Variants in GJC1 observed in about 807,000 individuals in gnomAD.
GJC1 encodes gap junction protein gamma 1.
Under a neutral mutation model 29.3 loss-of-function variants are expected in GJC1, and 5 were observed. That is an observed-to-expected ratio of 0.17 (90% confidence interval 0.09 to 0.36). The LOEUF is 0.36. Among genes scored for constraint, GJC1 ranks in the 10% least tolerant of loss-of-function variants. The pLI is 1.00. For synonymous variants in GJC1, 177 were observed against 183.3 expected, an observed-to-expected ratio of 0.97 and a Z score of 0.28; for missense variants, 310 against 496.2, an observed-to-expected ratio of 0.62 and a Z score of 3.56.
At chr17:44,822,667 G>C (rs1292795876) in intron 1 of GJC1, among the ~76,000 whole-genome samples, 1 of 129,664 alleles carries the variant, frequency 7.7e-6, no homozygotes, top group Non-Finnish European at 1.6e-5. Flanking sequence ...AAAAAAAAGA[G>C]TCCAGCCTCA....
upstream of GJC1, chr17:44,830,692 C>T (rs2050224179): frequency 2.5e-6 from 1 of 398,668 alleles, no homozygotes; most frequent in East Asian, 3.6e-5. This position sits in a 1 kb window ranked among gnomAD's most constrained non-coding sequence, Gnocchi z 4.3. Context: ...CGCGCTCCGC[C>T]GAGGCCTTGG....
In GJC1 at chr17:44,803,934, A is replaced by T. The variant is rs1340134224; in HGVS notation, c.*693T>A. 6.6e-6 allele frequency: 1 copy of T among 152,232 alleles called. No individual in the cohort carries two copies. The highest frequency in any genetic ancestry group is 6.5e-5 in the Admixed American group (1 of 15,274). 9.4% of individuals were successfully genotyped at this position (152,232 alleles called of 1,614,324 possible). On this transcript the variant is annotated 3_prime_UTR_variant, in exon 3 of 3. Transcript: ENST00000592524. Reference sequence around the variant, plus strand: ...GATATTTAAAGGAATCCTACAGTGAATCATTTATTTCCTTTGAAAATAAGG... The same window carrying T: ...GATATTTAAAGGAATCCTACAGTGATTCATTTATTTCCTTTGAAAATAAGG...
intron 1 of GJC1, among the ~76,000 whole-genome samples, chr17:44,826,299 G>A (rs556461886): frequency 2.7e-4 from 41 of 152,226 alleles, no homozygotes; most frequent in African/African-American, 6.0e-4. Context: ...TTGGGAGGCC[G>A]AGGTGGCCGG....
intron 1 of GJC1, among the ~76,000 whole-genome samples, chr17:44,825,995 A>C (rs1333798341): frequency 1.3e-5 from 2 of 151,924 alleles, no homozygotes; most frequent in African/African-American, 4.8e-5. Context: ...ATCTCGGCTA[A>C]CTGCAACCTC....
chr17:44,823,902 G>A (rs35271426), intron 1 of GJC1, among the ~76,000 whole-genome samples: 53,302 of 151,248 alleles, frequency 0.35, 9,870 homozygotes, highest in Admixed American at 0.46. Flanking sequence ...TAGTAGAGAC[G>A]GGGTTTCACG....
chr17:44,806,004 TG>T (rs1296648201), intron 2 of GJC1, among the ~76,000 whole-genome samples, 167 bp from the exon 3 acceptor site: 1 of 152,192 alleles, frequency 6.6e-6, no homozygotes. Context: ...TTGGGTAGGG[TG>T]GCTCACGCCT....
Position 44,800,777 on chromosome 17 carries a change from G to A in GJC1, c.*3850C>T, listed in dbSNP as rs1315607305. 1 of 152,000 alleles carries A rather than the reference G, an allele frequency of 6.6e-6. No homozygotes were observed. Among genetic ancestry groups the A allele is most frequent in the Non-Finnish European group, 1.5e-5 (1 of 67,994 alleles). 9.4% of individuals were successfully genotyped at this position (152,000 alleles called of 1,614,324 possible). ...AACAAGTGACCAATAATAATGGTTG[G>A]TCCTTGAAGGTCTTTTACCAGAGGC... is the stretch of plus-strand genomic sequence containing the variant. On this transcript the variant is annotated 3_prime_UTR_variant, in exon 3 of 3. Transcript: ENST00000592524.
At chr17:44,798,279 T>C (rs1241413162), downstream of GJC1, among the ~76,000 whole-genome samples, 1 of 152,218 alleles carries the variant, frequency 6.6e-6, no homozygotes, top group Non-Finnish European at 1.5e-5. Flanking sequence ...AAGATCAACT[T>C]ACAGGTGAAA....
chr17:44,807,008 G>A (rs1049077177), intron 2 of GJC1, among the ~76,000 whole-genome samples: 5 of 152,084 alleles, frequency 3.3e-5, no homozygotes. Context: ...CCAGATTTTG[G>A]TTTTACTTAG....
intron 1 of GJC1, among the ~76,000 whole-genome samples, chr17:44,816,483 C>T (rs752083459): frequency 2.6e-5 from 4 of 152,016 alleles, no homozygotes; most frequent in Non-Finnish European, 5.9e-5. Context: ...TTCTGTAAAA[C>T]ATAATTCAGT....
At chr17:44,797,420 A>G (rs1388402160), downstream of GJC1, 1 of 151,020 alleles carries the variant, frequency 6.6e-6, no homozygotes, top group Admixed American at 6.6e-5. Context: ...CAATGGTCCA[A>G]TGGTTACATT....
chr17:44,816,766 A>G (rs1030624960), intron 1 of GJC1, among the ~76,000 whole-genome samples: 1 of 151,860 alleles, frequency 6.6e-6, no homozygotes. Flanking sequence ...CGGCCTCCCA[A>G]CGTGCTGGGA....
At chr17:44,816,389 A>G (rs1404864844) in intron 1 of GJC1, among the ~76,000 whole-genome samples, 2 of 152,220 alleles carry the variant, frequency 1.3e-5, no homozygotes, top group African/African-American at 4.8e-5. Context: ...CAACATGGTA[A>G]TAAATTATGT....
rs1450414656 is a variant in GJC1, at chr17:44,807,419, A to G, written c.-46T>C. 1 of 152,240 alleles carries G rather than the reference A, an allele frequency of 6.6e-6. No individual in the cohort carries two copies. The highest frequency in any genetic ancestry group is 1.9e-4 in the East Asian group (1 of 5,200). The allele number at this position is 152,240 out of a possible 1,614,324, so 9.4% of individuals were successfully genotyped here. A position where few individuals can be genotyped will look rare whatever the true frequency, so the allele number is the denominator to read the frequency against. ...CTGTTGTCCAGAACTTCGGTTACCC[A>G]AAATTTTCTTAGAGAAATGATGTTT... On this transcript the variant is annotated 5_prime_UTR_variant, in exon 2 of 3. Coordinates refer to ENST00000592524, the MANE Select transcript of GJC1 (RefSeq NM_005497.4).
At chr17:44,813,644 C>A (rs2145331287) in intron 1 of GJC1, among the ~76,000 whole-genome samples, 1 of 151,940 alleles carries the variant, frequency 6.6e-6, no homozygotes, top group East Asian at 1.9e-4. Flanking sequence ...AGGCACACAC[C>A]ACCACGCCCA....
chr17:44,822,439 C>T (rs916193571), intron 1 of GJC1, among the ~76,000 whole-genome samples: 3 of 151,220 alleles, frequency 2.0e-5, no homozygotes, highest in Admixed American at 6.6e-5. Context: ...GTCAGGAGTT[C>T]GAGACCAACC....
At chr17:44,815,110 A>G (rs1194133331) in intron 1 of GJC1, among the ~76,000 whole-genome samples, 3 of 152,204 alleles carry the variant, frequency 2.0e-5, no homozygotes, top group Admixed American at 6.6e-5. Context: ...ATGACATGGA[A>G]GCACATGTCA....
rs1287019175 is a variant in GJC1 at position 44,800,232 on chromosome 17, C to T, written c.*4395G>A. The T allele has an allele frequency of 6.6e-6, 1 of 152,116 alleles. No homozygotes were observed. Among genetic ancestry groups the T allele is most frequent in the Non-Finnish European group, 1.5e-5 (1 of 68,042 alleles). 9.4% of individuals were successfully genotyped at this position (152,116 alleles called of 1,614,324 possible). ...ATCAAGTGATTCTCATCTCAGCCTC[C>T]TGAGTAGCTGGGATTACAGGTACCC... On this transcript the variant is annotated 3_prime_UTR_variant, in exon 3 of 3. Transcript: ENST00000592524.
intron 1 of GJC1, among the ~76,000 whole-genome samples, chr17:44,811,391 T>TTC (rs1567709867): frequency 1.4e-5 from 2 of 146,136 alleles, no homozygotes; most frequent in African/African-American, 2.6e-5. Context: ...CTTTTTTCTT[T>TTC]TTTTTTTTTT....
Sources: gnomAD v4.1 joint callset for allele counts (sites outside exome capture counted in the v4.1 genomes callset) on GRCh38, gnomAD v4.1.1 for gene constraint, Gnocchi (gnomAD v3.1) non-coding constraint, MANE v1.5 for transcripts, NCBI Gene and HGNC (gene_info 2026-07-23, HGNC 2026-07-21) for gene names.